Variants in SGCZ observed in about 807,000 individuals in gnomAD.
SGCZ encodes the protein sarcoglycan zeta.
In SGCZ, 40 loss-of-function variants were observed where a neutral mutation model predicts 41.3. That is an observed-to-expected ratio of 0.97 (90% confidence interval 0.75 to 1.26). SGCZ has a LOEUF of 1.26. SGCZ is among the 50% of genes most tolerant of loss of function. SGCZ has a pLI of 0.00. For synonymous variants in SGCZ, 206 were observed against 137.5 expected, an observed-to-expected ratio of 1.50 and a Z score of -3.49; for missense variants, 552 against 369.8, an observed-to-expected ratio of 1.49 and a Z score of -4.04.
At chr8:14,120,950 T>A (rs1802678678) in intron 5 of SGCZ, among the ~76,000 whole-genome samples, 1 of 152,124 alleles carries the variant, frequency 6.6e-6, no homozygotes, top group African/African-American at 2.4e-5. Flanking sequence ...TATAGAAGAA[T>A]ATCAGGAATA....
chr8:14,315,863 A>G (rs1033761985), intron 3 of SGCZ, among the ~76,000 whole-genome samples: 9 of 151,852 alleles, frequency 5.9e-5, no homozygotes, highest in African/African-American at 1.9e-4. Flanking sequence ...TATAGTAGGA[A>G]AACAAATGAC....
chr8:14,138,622 A>G (rs1445961811), intron 5 of SGCZ, among the ~76,000 whole-genome samples: 2 of 152,188 alleles, frequency 1.3e-5, no homozygotes, highest in African/African-American at 4.8e-5. Context: ...AAAGGGATCA[A>G]TTCAACAAGA....
At chr8:14,172,898 A>G (rs779403411) in intron 4 of SGCZ, among the ~76,000 whole-genome samples, 8 of 152,126 alleles carry the variant, frequency 5.3e-5, no homozygotes, top group Non-Finnish European at 4.4e-5. Flanking sequence ...ATGATACCAT[A>G]TGATAATTAT....
intron 3 of SGCZ, among the ~76,000 whole-genome samples, chr8:14,266,844 C>G (rs1563222736): frequency 6.6e-6 from 1 of 151,944 alleles, no homozygotes; most frequent in Non-Finnish European, 1.5e-5. Flanking sequence ...CTGGTAATCA[C>G]AAAGAGAACA....
At chr8:14,877,033 G>A (rs1037717018) in intron 1 of SGCZ, among the ~76,000 whole-genome samples, 1 of 152,144 alleles carries the variant, frequency 6.6e-6, no homozygotes, top group Admixed American at 6.5e-5. Flanking sequence ...GAGCACAGTG[G>A]TGCTATCTTG....
intron 3 of SGCZ, among the ~76,000 whole-genome samples, chr8:14,245,426 C>T (rs1015527846): frequency 1.3e-5 from 2 of 152,116 alleles, no homozygotes; most frequent in African/African-American, 2.4e-5. Flanking sequence ...CTTCCTTACA[C>T]CTTAGACAAA....
chr8:14,756,490 T>C (rs901433630), intron 1 of SGCZ, among the ~76,000 whole-genome samples: 12 of 152,132 alleles, frequency 7.9e-5, no homozygotes, highest in African/African-American at 2.9e-4. Flanking sequence ...CAGCGGGAAG[T>C]AACAATTTTT....
At chr8:14,533,777 C>T (rs1373034931) in intron 2 of SGCZ, among the ~76,000 whole-genome samples, 1 of 151,854 alleles carries the variant, frequency 6.6e-6, no homozygotes, top group Non-Finnish European at 1.5e-5. Context: ...TTCCTCCAAA[C>T]AAGAATAATT....
chr8:15,164,458 G>A (rs964641505), intron 1 of SGCZ, among the ~76,000 whole-genome samples: 2 of 152,062 alleles, frequency 1.3e-5, no homozygotes, highest in Non-Finnish European at 1.5e-5. Context: ...GGCAGTCCCC[G>A]CCACGTGCTG....
chr8:14,889,933 G>T (rs1441631199), intron 1 of SGCZ, among the ~76,000 whole-genome samples: 1 of 152,092 alleles, frequency 6.6e-6, no homozygotes, highest in Non-Finnish European at 1.5e-5. Flanking sequence ...GCCTTATGAG[G>T]AAGACCTGTT....
At chr8:14,768,834 C>A (rs375928828) in intron 1 of SGCZ, among the ~76,000 whole-genome samples, 15 of 152,018 alleles carry the variant, frequency 9.9e-5, no homozygotes, top group African/African-American at 3.6e-4. Context: ...GTTCATGGTA[C>A]CCAGTAAGTC....
intron 1 of SGCZ, among the ~76,000 whole-genome samples, chr8:15,049,652 T>C (rs1241061140): frequency 3.9e-5 from 6 of 152,128 alleles, no homozygotes; most frequent in African/African-American, 1.2e-4. Context: ...GCTTTAGATA[T>C]GACAGCAGGT....
intron 3 of SGCZ, among the ~76,000 whole-genome samples, chr8:14,290,358 G>C (rs1585325315): frequency 6.6e-6 from 1 of 151,898 alleles, no homozygotes; most frequent in African/African-American, 2.4e-5. Flanking sequence ...AAACTAAAAA[G>C]CTTCTGCACA....
At chr8:14,338,199 T>C (rs770814940) in intron 2 of SGCZ, among the ~76,000 whole-genome samples, 1 of 152,158 alleles carries the variant, frequency 6.6e-6, no homozygotes, top group Non-Finnish European at 1.5e-5. Flanking sequence ...GCAGTCGTCT[T>C]AGCCTGAGAA....
chr8:14,516,602 C>T (rs1021240226), intron 2 of SGCZ, among the ~76,000 whole-genome samples: 1 of 152,030 alleles, frequency 6.6e-6, no homozygotes, highest in African/African-American at 2.4e-5. Flanking sequence ...TTTAAGGAAG[C>T]TGTGAATCTA....
At chr8:14,116,034 T>C (rs1224779034) in intron 5 of SGCZ, among the ~76,000 whole-genome samples, 1 of 152,092 alleles carries the variant, frequency 6.6e-6, no homozygotes, top group Non-Finnish European at 1.5e-5. Flanking sequence ...CTTAATTCTT[T>C]ATTCCTTAGG....
intron 1 of SGCZ, among the ~76,000 whole-genome samples, chr8:15,197,456 T>C (rs1366471776): frequency 6.6e-6 from 1 of 152,050 alleles, no homozygotes; most frequent in African/African-American, 2.4e-5. Flanking sequence ...AAGCATAATA[T>C]CATGAAAATA....
At chr8:14,917,745 G>C (rs1172404164) in intron 1 of SGCZ, among the ~76,000 whole-genome samples, 1 of 151,970 alleles carries the variant, frequency 6.6e-6, no homozygotes, top group Non-Finnish European at 1.5e-5. Context: ...TTTCTCCATT[G>C]TGTATGCTTT....
intron 2 of SGCZ, among the ~76,000 whole-genome samples, chr8:14,423,387 T>A (rs1008714259): frequency 1.3e-5 from 2 of 152,102 alleles, no homozygotes; most frequent in Admixed American, 6.6e-5. Flanking sequence ...AAAAAATAAA[T>A]TTTTCAATAA....
Sources: allele counts gnomAD v4.1 joint callset (sites outside exome capture counted in the v4.1 genomes callset), GRCh38; gene constraint gnomAD v4.1.1; transcripts MANE v1.5; gene names NCBI Gene and HGNC (gene_info 2026-07-23, HGNC 2026-07-21).